The following TRAPPC9 variants were observed in gnomAD, a reference collection of about 807,000 sequenced individuals.
TRAPPC9 encodes the protein IKK2 binding protein.
Under a neutral mutation model 124.0 loss-of-function variants are expected in TRAPPC9, and 83 were observed. The observed-to-expected ratio is 0.67, with a 90% CI of 0.56 to 0.80. The LOEUF (loss-of-function observed/expected upper bound fraction) is 0.80. Ranked by LOEUF, TRAPPC9 falls within the 30% of genes least tolerant of loss-of-function variation. The pLI is 0.00. For synonymous variants in TRAPPC9, 638 were observed against 617.5 expected (o/e 1.03, Z -0.49); for missense variants, 1,302 against 1,508.3 (o/e 0.86, Z 2.27).
chr8:140,101,532 C>CTTGTTTTTT (rs2060577722), intron 17 of TRAPPC9, among the ~76,000 whole-genome samples: 3 of 78,718 alleles, frequency 3.8e-5, no homozygotes. Context: ...GTAGGGTTTT[C>CTTGTTTTTT]TTTTTTTTGT....
chr8:139,999,936 T>C (rs919999829), intron 18 of TRAPPC9, among the ~76,000 whole-genome samples: 1 of 152,164 alleles, frequency 6.6e-6, no homozygotes, highest in Non-Finnish European at 1.5e-5. Context: ...AAAATCCATA[T>C]CATTAAGTGA....
At chr8:139,981,412 C>G (rs148439117) in intron 19 of TRAPPC9, among the ~76,000 whole-genome samples, 1 of 152,120 alleles carries the variant, frequency 6.6e-6, no homozygotes, top group African/African-American at 2.4e-5. Flanking sequence ...GATTGAAAAA[C>G]GAGGTACAAA....
intron 7 of TRAPPC9, among the ~76,000 whole-genome samples, chr8:140,372,700 A>C (rs568014701): frequency 6.6e-6 from 1 of 152,302 alleles, no homozygotes; most frequent in African/African-American, 2.4e-5. Context: ...AGAGACCCTA[A>C]AGAGCTAGCT....
chr8:140,168,792 T>C (rs1357885186), intron 17 of TRAPPC9, among the ~76,000 whole-genome samples: 1 of 152,190 alleles, frequency 6.6e-6, no homozygotes, highest in Non-Finnish European at 1.5e-5. Flanking sequence ...CTCTCCAGCT[T>C]CATGCTTTCC....
At chr8:139,785,009 T>C (rs1039732060) in intron 21 of TRAPPC9, among the ~76,000 whole-genome samples, 4 of 152,172 alleles carry the variant, frequency 2.6e-5, no homozygotes, top group Non-Finnish European at 5.9e-5. Context: ...GCCAAAATAT[T>C]ACCTGACTTT....
chr8:139,800,675 C>A (rs1302613248), intron 21 of TRAPPC9, among the ~76,000 whole-genome samples: 1 of 152,188 alleles, frequency 6.6e-6, no homozygotes, highest in Non-Finnish European at 1.5e-5. Context: ...GGTCCCAGAG[C>A]TGGTCCATGG....
At chr8:140,271,064 T>A (rs1250711340) in intron 15 of TRAPPC9, among the ~76,000 whole-genome samples, 1 of 152,256 alleles carries the variant, frequency 6.6e-6, no homozygotes, top group African/African-American at 2.4e-5. Context: ...GGAGGGCAAG[T>A]TAAATTACAG....
chr8:140,047,683 A>G lies in TRAPPC9; in HGVS notation c.2557-23604T>C, dbSNP rs2132065874. On this transcript the variant is annotated intron_variant, in intron 17 of 22. Transcript: ENST00000438773. ...GACAACATGGAGAACAACAGCAACA[A>G]CAACACCCAGTTGGTGCTGAGGGGC... Among the ~76,000 whole-genome samples the G allele has an allele frequency of 2.0e-5, 3 of 152,238 alleles. No individual in the cohort carries two copies. The South Asian group carries it at 6.2e-4, about 32-fold the overall frequency.
intron 18 of TRAPPC9, among the ~76,000 whole-genome samples, chr8:140,004,660 G>A (rs1481856412): frequency 6.6e-6 from 1 of 152,188 alleles, no homozygotes; most frequent in Admixed American, 6.5e-5. Flanking sequence ...GTTGCTGTCA[G>A]TGGAGCTGCA....
chr8:139,929,934 A>G (rs1284768419), intron 19 of TRAPPC9, among the ~76,000 whole-genome samples: 1 of 152,180 alleles, frequency 6.6e-6, no homozygotes, highest in Admixed American at 6.5e-5. Context: ...AAATGGAGCA[A>G]GCACCACCTT....
At chr8:139,808,521 C>T (rs949079316) in intron 21 of TRAPPC9, among the ~76,000 whole-genome samples, 4 of 152,170 alleles carry the variant, frequency 2.6e-5, no homozygotes, top group African/African-American at 9.7e-5. Context: ...AGCATTATTA[C>T]ATTTCAGAAT....
At chr8:140,077,208 T>C (rs944746143) in intron 17 of TRAPPC9, among the ~76,000 whole-genome samples, 2 of 152,038 alleles carry the variant, frequency 1.3e-5, no homozygotes, top group African/African-American at 2.4e-5. Context: ...AAAATATAAA[T>C]ATAATACATA....
intron 19 of TRAPPC9, among the ~76,000 whole-genome samples, chr8:139,929,997 C>T (rs140170763): frequency 1.3e-5 from 2 of 152,354 alleles, no homozygotes; most frequent in Admixed American, 6.5e-5. Flanking sequence ...CATCAATATA[C>T]GTGTTTGGCA....
chr8:139,954,284 A>G (rs970409764), intron 19 of TRAPPC9, among the ~76,000 whole-genome samples: 1 of 152,196 alleles, frequency 6.6e-6, no homozygotes, highest in Non-Finnish European at 1.5e-5. Flanking sequence ...AGTTTTTAGT[A>G]TGTCAATTTT....
chr8:139,782,704 C>T (rs893568970), intron 21 of TRAPPC9, among the ~76,000 whole-genome samples: 8 of 152,144 alleles, frequency 5.3e-5, no homozygotes, highest in African/African-American at 1.7e-4. Context: ...CATTGTCAGA[C>T]AACTTGTTCT....
chr8:140,260,912 G>C (rs558466089), intron 15 of TRAPPC9, among the ~76,000 whole-genome samples: 1 of 152,284 alleles, frequency 6.6e-6, no homozygotes, highest in South Asian at 2.1e-4. Context: ...TGAAGGTGAA[G>C]GGAGAGAGTA....
intron 17 of TRAPPC9, among the ~76,000 whole-genome samples, chr8:140,209,965 T>G (rs2063018166): frequency 6.6e-6 from 1 of 152,270 alleles, no homozygotes; most frequent in African/African-American, 2.4e-5. Flanking sequence ...CTGCTTGACC[T>G]TGGGCTAACT....
At chr8:140,372,826 G>C (rs193252456) in intron 7 of TRAPPC9, among the ~76,000 whole-genome samples, 13 of 152,304 alleles carry the variant, frequency 8.5e-5, no homozygotes, top group Non-Finnish European at 1.2e-4. Flanking sequence ...CTAGCCTCTA[G>C]AACTGTGCAC....
chr8:140,200,535 G>A (rs753465464), intron 17 of TRAPPC9, among the ~76,000 whole-genome samples: 6 of 152,074 alleles, frequency 3.9e-5, no homozygotes, highest in Non-Finnish European at 8.8e-5. Flanking sequence ...AAGTCAGGTG[G>A]GCACCCCTGC....
Sources: allele counts gnomAD v4.1 joint callset (sites outside exome capture counted in the v4.1 genomes callset), GRCh38; gene constraint gnomAD v4.1.1; transcripts MANE v1.5; gene names NCBI Gene and HGNC (gene_info 2026-07-23, HGNC 2026-07-21).